SYNPR: variants seen among roughly 807,000 people sequenced by gnomAD.
SYNPR encodes synaptoporin.
In SYNPR, 23 loss-of-function variants were observed where a neutral mutation model predicts 32.9. That is an observed-to-expected ratio of 0.70 (90% CI 0.50 to 0.99). The LOEUF is 0.99. Ranked by LOEUF, SYNPR falls within the 50% of genes least tolerant of loss-of-function variation. The pLI is 0.00. For synonymous variants in SYNPR, 146 were observed against 135.9 expected, an observed-to-expected ratio of 1.07 and a Z score of -0.52; for missense variants, 318 against 349.3, an observed-to-expected ratio of 0.91 and a Z score of 0.71.
At chr3:63,209,448 C>G in the SYNPR span, among the ~76,000 whole-genome samples, 1 of 152,176 alleles carries the variant, frequency 6.6e-6, no homozygotes, top group South Asian at 2.1e-4. Context: ...CAGTCCAGAG[C>G]TTACTAAAGA....
At position 63,265,150 on chromosome 3, in the gene SYNPR, G is replaced by A. The variant is rs186441741; in HGVS notation, n.155-2167G>A. On this transcript the variant is annotated intron_variant and non_coding_transcript_variant, in intron 2 of 4. Transcript: ENST00000478456. ...GATTGAACACATTTCTTCCAAGAAA[G>A]AAGATATATGAGTCTTTCAAAACTA... 1.2e-3 allele frequency among the ~76,000 whole-genome samples: 184 copies of A among 151,204 alleles called. 3 individuals are homozygous for A. The highest frequency in any genetic ancestry group is 1.2e-3 in the Non-Finnish European group (80 of 67,912).
At chr3:63,478,851 C>T (rs143284280) in intron 2 of SYNPR, among the ~76,000 whole-genome samples, 9 of 152,300 alleles carry the variant, frequency 5.9e-5, no homozygotes, top group African/African-American at 1.7e-4. Flanking sequence ...ACTATCTTGA[C>T]GTGGCCCAAA....
upstream of SYNPR, among the ~76,000 whole-genome samples, chr3:63,273,631 C>T (rs1035331784): frequency 3.9e-5 from 6 of 152,196 alleles, no homozygotes; most frequent in South Asian, 2.1e-4. Context: ...AATATGGAAA[C>T]AGAAATAGTA....
At chr3:63,338,516 A>T (rs553089906) in intron 2 of SYNPR, among the ~76,000 whole-genome samples, 1 of 152,322 alleles carries the variant, frequency 6.6e-6, no homozygotes, top group Admixed American at 6.5e-5. Context: ...ATCCCTTCTG[A>T]GTATTTTTCA....
At chr3:63,346,504 C>A (rs1010808059) in intron 2 of SYNPR, among the ~76,000 whole-genome samples, 4 of 151,770 alleles carry the variant, frequency 2.6e-5, no homozygotes, top group African/African-American at 9.7e-5. Flanking sequence ...TGGAGTCTTG[C>A]TCTGTTACTG....
At chr3:63,219,145 C>T in the SYNPR span, among the ~76,000 whole-genome samples, 1 of 152,164 alleles carries the variant, frequency 6.6e-6, no homozygotes, top group Non-Finnish European at 1.5e-5. Flanking sequence ...ACTTCTTGTA[C>T]ATGTATAGTA....
At chr3:63,614,461 T>C (rs116066205) in intron 5 of SYNPR, among the ~76,000 whole-genome samples, 2,599 of 152,316 alleles carry the variant, frequency 0.017, 73 homozygotes, top group African/African-American at 0.058. Context: ...GGAATTTCCA[T>C]AGGAAAGTTT....
intron 4 of SYNPR, among the ~76,000 whole-genome samples, chr3:63,592,780 T>C (rs1011836826): frequency 7.9e-5 from 12 of 152,132 alleles, no homozygotes; most frequent in Non-Finnish European, 1.8e-4. Context: ...TATATACTTT[T>C]CTATATTGTA....
At chr3:63,607,965 GTTA>G (rs1700147501) in intron 4 of SYNPR, among the ~76,000 whole-genome samples, 1 of 152,126 alleles carries the variant, frequency 6.6e-6, no homozygotes, top group East Asian at 1.9e-4. Flanking sequence ...ACTTGAGGAG[GTTA>G]TTATTAAGAA....
intron 2 of SYNPR, among the ~76,000 whole-genome samples, chr3:63,411,622 G>A (rs1434406058): frequency 6.6e-6 from 1 of 152,104 alleles, no homozygotes; most frequent in South Asian, 2.1e-4. Flanking sequence ...CAGCCAGCGG[G>A]TGAAAGAGAG....
intron 3 of SYNPR, among the ~76,000 whole-genome samples, chr3:63,512,278 C>T (rs1701711606): frequency 6.6e-6 from 1 of 152,102 alleles, no homozygotes; most frequent in East Asian, 1.9e-4. Context: ...TTCCCAACCT[C>T]AGTGGGCTTT....
chr3:63,476,938 C>T (rs775868397), intron 2 of SYNPR, among the ~76,000 whole-genome samples: 1 of 152,164 alleles, frequency 6.6e-6, no homozygotes, highest in Non-Finnish European at 1.5e-5. Flanking sequence ...ACAGCTGGCA[C>T]ATAGCAAATC....
Position 63,280,557 on chromosome 3 carries a change from TA to T in SYNPR, c.84+1816del, listed in dbSNP as rs200921544. ...TTTGTTTTTTACCTCAACTAAATGT[TA>T]CCTCCTCAATGAAGACTTTTCTCGT... On this transcript the variant is annotated intron_variant, in intron 2 of 5. Transcript: ENST00000478300. Among the ~76,000 whole-genome samples, 867 of 152,284 alleles carry T rather than the reference TA, an allele frequency of 5.7e-3. 11 individuals carry two copies. Among genetic ancestry groups the T allele is most frequent in the African/African-American group, 0.02 (835 of 41,566 alleles).
intron 3 of SYNPR, among the ~76,000 whole-genome samples, chr3:63,553,409 A>C (rs150114952): frequency 6.6e-6 from 1 of 152,302 alleles, no homozygotes; most frequent in Non-Finnish European, 1.5e-5. Flanking sequence ...ATGCAAGTGC[A>C]TGGGTCTTTT....
At position 63,278,424 on chromosome 3, in the gene SYNPR, C is replaced by T. The variant is rs1052996508; in HGVS notation, c.-110C>T. 2 of 1,387,480 alleles carry T rather than the reference C, an allele frequency of 1.4e-6. No homozygotes were observed. The allele number at this position is 1,387,480 out of a possible 1,614,324, so 85.9% of individuals were successfully genotyped here. A position where few individuals can be genotyped will look rare whatever the true frequency, so the allele number is the denominator to read the frequency against. ...CCCTCGCCGGGCTGCTCCAGGGTGT[C>T]GCTCCTCTGGCTGCTCCCGAAGGGG... On this transcript the variant is annotated 5_prime_UTR_variant, in exon 1 of 6. Coordinates refer to ENST00000478300, the MANE Select transcript of SYNPR (RefSeq NM_001130003.2).
chr3:63,386,731 G>C (rs974490492), intron 2 of SYNPR, among the ~76,000 whole-genome samples: 2 of 152,142 alleles, frequency 1.3e-5, no homozygotes, highest in African/African-American at 4.8e-5. Flanking sequence ...CTCCAGGGGA[G>C]GAGCTGTGCC....
At chr3:63,588,297 T>TG (rs1703228773) in intron 4 of SYNPR, among the ~76,000 whole-genome samples, 1 of 152,048 alleles carries the variant, frequency 6.6e-6, no homozygotes, top group Admixed American at 6.6e-5. Context: ...AGAGTACATG[T>TG]GAGAGATGAA....
At chr3:63,436,380 T>C (rs1700085959) in intron 2 of SYNPR, among the ~76,000 whole-genome samples, 1 of 135,478 alleles carries the variant, frequency 7.4e-6, no homozygotes, top group African/African-American at 2.7e-5. Context: ...CCCCTTCCTG[T>C]GTCCATGTGT....
At chr3:63,469,414 C>A (rs1037057219) in intron 2 of SYNPR, among the ~76,000 whole-genome samples, 1 of 152,088 alleles carries the variant, frequency 6.6e-6, no homozygotes, top group Non-Finnish European at 1.5e-5. Flanking sequence ...TCTATCATCA[C>A]TGATTTTCTT....
Sources: gnomAD v4.1 joint callset for allele counts (sites outside exome capture counted in the v4.1 genomes callset) on GRCh38, gnomAD v4.1.1 for gene constraint, MANE v1.5 for transcripts, NCBI Gene and HGNC (gene_info 2026-07-23, HGNC 2026-07-21) for gene names.